Variants in SNX29 observed in about 807,000 individuals in gnomAD.
SNX29 encodes sorting nexin 29, also known as sorting nexin-29.
Under a neutral mutation model 102.1 loss-of-function variants are expected in SNX29, and 78 were observed. The observed-to-expected ratio is 0.76, with a 90% CI of 0.64 to 0.92. The LOEUF is 0.92. SNX29 is among the 40% of genes least tolerant of loss of function. The probability of loss-of-function intolerance (pLI) is 0.00; values close to 1 mark genes in which losing one functional copy is unlikely to be tolerated. For synonymous variants in SNX29, 580 were observed against 414.5 expected (o/e 1.40, Z -4.85); for missense variants, 1,280 against 1,061.7 (o/e 1.21, Z -2.86).
At chr16:12,358,200 G>A (rs1025798857) in intron 16 of SNX29, among the ~76,000 whole-genome samples, 6 of 45,712 alleles carry the variant, frequency 1.3e-4, no homozygotes, top group Non-Finnish European at 3.9e-4. Context: ...TTAACCCCCT[G>A]TTTGTGTGCA....
rs575583731 is a variant in SNX29, at chr16:12,449,330, C to T, written c.2038-28389C>T. Among the ~76,000 whole-genome samples, 10 of 151,692 alleles carry T rather than the reference C, an allele frequency of 6.6e-5. 1 individual carries two copies. Among genetic ancestry groups the T allele is most frequent in the African/African-American group, 1.9e-4 (8 of 41,406 alleles). ...AGAACTTAGCCAGGCAAAGAAGGCA[C>T]GGTGGGGACAAGCAGAGGGAACAGG... On this transcript the variant is annotated intron_variant, in intron 18 of 20. Coordinates refer to ENST00000566228, the MANE Select transcript of SNX29 (RefSeq NM_032167.5).
chr16:12,450,369 C>T (rs896304969), intron 18 of SNX29, among the ~76,000 whole-genome samples: 1 of 152,220 alleles, frequency 6.6e-6, no homozygotes, highest in Non-Finnish European at 1.5e-5. Flanking sequence ...AACAGCCTTT[C>T]TTCTCATGGG....
intron 20 of SNX29, among the ~76,000 whole-genome samples, chr16:12,530,553 T>TG (rs1491070969): frequency 6.6e-6 from 1 of 151,276 alleles, no homozygotes; most frequent in African/African-American, 2.4e-5. Flanking sequence ...TTTTTTTTTT[T>TG]GTTTTTTGTT....
chr16:12,534,677 G>A (rs2077022906), intron 20 of SNX29, among the ~76,000 whole-genome samples: 1 of 152,156 alleles, frequency 6.6e-6, no homozygotes, highest in Non-Finnish European at 1.5e-5. Context: ...GCTGTCGGAG[G>A]ATCTTTGATT....
intron 20 of SNX29, among the ~76,000 whole-genome samples, chr16:12,545,266 T>C (rs560533069): frequency 1.3e-5 from 2 of 152,294 alleles, no homozygotes; most frequent in East Asian, 3.9e-4. Context: ...AAGAGTACTG[T>C]TGAGAAATTG....
In SNX29 at chr16:12,364,994, C is replaced by T. The variant is rs548265618; in HGVS notation, c.1899+8715C>T. The stretch of plus-strand genomic sequence containing the variant: ...TTTTTCCTTGCACCCTCTAGGCAGT[C>T]CTTATAATTTTCTTATTAGGCCCAT... On this transcript the variant is annotated intron_variant, in intron 16 of 20. Coordinates refer to ENST00000566228, the MANE Select transcript of SNX29 (RefSeq NM_032167.5). 3.9e-5 allele frequency among the ~76,000 whole-genome samples: 6 copies of T among 152,122 alleles called. No individual in the cohort carries two copies. In the South Asian group the frequency reaches 1.2e-3, roughly 32 times the overall value.
At chr16:12,245,758 G>A (rs2078241681) in intron 14 of SNX29, among the ~76,000 whole-genome samples, 1 of 152,052 alleles carries the variant, frequency 6.6e-6, no homozygotes, top group South Asian at 2.1e-4. Context: ...AAACACACTT[G>A]TGTTGGCAGC....
intron 16 of SNX29, among the ~76,000 whole-genome samples, chr16:12,359,422 C>G (rs2082237834): frequency 6.6e-6 from 1 of 152,160 alleles, no homozygotes; most frequent in South Asian, 2.1e-4. Flanking sequence ...TGCCTGTTCC[C>G]CATTCTGGGT....
chr16:12,157,063 G>C (rs1272478112), intron 13 of SNX29, among the ~76,000 whole-genome samples: 1 of 152,190 alleles, frequency 6.6e-6, no homozygotes, highest in Non-Finnish European at 1.5e-5. Context: ...GGTGAGAAGG[G>C]AAGGAACGGC....
intron 18 of SNX29, among the ~76,000 whole-genome samples, chr16:12,426,096 T>TAAA (rs111310926): frequency 1.1e-4 from 16 of 151,586 alleles, no homozygotes; most frequent in African/African-American, 3.4e-4. Context: ...TTTTTTTTTT[T>TAAA]AAAAAGATAC....
intron 18 of SNX29, among the ~76,000 whole-genome samples, chr16:12,475,893 A>T (rs560298241): frequency 1.3e-5 from 2 of 152,246 alleles, no homozygotes; most frequent in East Asian, 1.9e-4. Context: ...CCCATGGGCC[A>T]TAGTTTGCCC....
chr16:12,442,777 A>G (rs1037282823), intron 18 of SNX29, among the ~76,000 whole-genome samples: 4 of 152,000 alleles, frequency 2.6e-5, no homozygotes, highest in African/African-American at 9.7e-5. Flanking sequence ...TATTATTTGC[A>G]GAGACAAGGT....
At chr16:12,437,094 A>G (rs2085572229) in intron 18 of SNX29, among the ~76,000 whole-genome samples, 1 of 152,268 alleles carries the variant, frequency 6.6e-6, no homozygotes, top group Non-Finnish European at 1.5e-5. Flanking sequence ...AGAATGAGAG[A>G]CAGAGAAAGC....
intron 19 of SNX29, among the ~76,000 whole-genome samples, chr16:12,508,482 C>T (rs2089471777): frequency 6.6e-6 from 1 of 152,196 alleles, no homozygotes; most frequent in Non-Finnish European, 1.5e-5. Flanking sequence ...GTTTGATCTG[C>T]ACTGTGATAT....
At chr16:12,083,569 G>C (rs944498673) in intron 11 of SNX29, among the ~76,000 whole-genome samples, 4 of 152,150 alleles carry the variant, frequency 2.6e-5, no homozygotes, top group African/African-American at 9.7e-5. Context: ...TTAAGGCCTT[G>C]TCTCCATATA....
At chr16:12,291,997 G>A (rs2079813148) in intron 15 of SNX29, among the ~76,000 whole-genome samples, 1 of 152,204 alleles carries the variant, frequency 6.6e-6, no homozygotes, top group Non-Finnish European at 1.5e-5. Context: ...GTAATTTTTA[G>A]CAGCAAGCAA....
At chr16:12,008,252 G>T (rs917960274) in intron 3 of SNX29, among the ~76,000 whole-genome samples, 1 of 142,252 alleles carries the variant, frequency 7.0e-6, no homozygotes, top group Admixed American at 7.2e-5. Flanking sequence ...CCTGCTTTTC[G>T]CTACTTTTTC....
intron 15 of SNX29, among the ~76,000 whole-genome samples, chr16:12,326,253 A>T (rs1195962244): frequency 6.6e-6 from 1 of 151,680 alleles, no homozygotes; most frequent in African/African-American, 2.4e-5. Context: ...CTCTCAGGTG[A>T]TCTGCCCGCC....
intron 11 of SNX29, among the ~76,000 whole-genome samples, chr16:12,107,116 C>A (rs1202073830): frequency 6.6e-6 from 1 of 152,206 alleles, no homozygotes. Context: ...CGGCACATGG[C>A]CCTGCATCAC....
Sources: allele counts gnomAD v4.1 joint callset (sites outside exome capture counted in the v4.1 genomes callset), GRCh38; gene constraint gnomAD v4.1.1; transcripts MANE v1.5; gene names NCBI Gene and HGNC (gene_info 2026-07-23, HGNC 2026-07-21).